Variants in DIAPH2 observed in about 807,000 individuals in gnomAD.
The protein encoded by DIAPH2 is protein diaphanous homolog 2.
Under a neutral mutation model 92.7 loss-of-function variants are expected in DIAPH2, and 35 were observed. The ratio of observed to expected loss-of-function variants is 0.38; its 90% CI spans 0.29 to 0.50. The LOEUF is 0.50. DIAPH2 is among the 20% of genes least tolerant of loss of function. The probability of loss-of-function intolerance (pLI) is 0.94; values close to 1 mark genes in which losing one functional copy is unlikely to be tolerated. For missense variants in DIAPH2, 701 were observed against 819.5 expected (o/e 0.86, Z 1.77); for synonymous variants, 301 against 280.4 (o/e 1.07, Z -0.73).
At chrX:96,803,909 C>T (rs960137289) in intron 4 of DIAPH2, among the ~76,000 whole-genome samples, 25 of 111,054 alleles carry the variant, frequency 2.3e-4, no homozygotes, top group African/African-American at 7.5e-4. Context: ...CACGGTGGCA[C>T]GCGCCTGTAA....
intron 17 of DIAPH2, among the ~76,000 whole-genome samples, chrX:96,999,044 T>C (rs777382525): frequency 4.5e-5 from 5 of 111,772 alleles, no homozygotes; most frequent in African/African-American, 1.3e-4. Context: ...TTGTCATCTG[T>C]CTTCAGGGAC....
At chrX:96,960,678 A>G (rs1302526996) in intron 16 of DIAPH2, among the ~76,000 whole-genome samples, 1 of 111,391 alleles carries the variant, frequency 9.0e-6, no homozygotes. Context: ...TCTTGTTCCA[A>G]TTCTTAGAGG....
At chrX:96,692,204 A>G (rs1472102734) in intron 1 of DIAPH2, among the ~76,000 whole-genome samples, 2 of 112,016 alleles carry the variant, frequency 1.8e-5, no homozygotes, top group Non-Finnish European at 3.8e-5. Flanking sequence ...CCCAGATATA[A>G]GTTATCTACA....
At chrX:96,897,831 C>T (rs1219325443) in intron 5 of DIAPH2, among the ~76,000 whole-genome samples, 1 of 87,687 alleles carries the variant, frequency 1.1e-5, no homozygotes, top group Non-Finnish European at 2.2e-5. Context: ...CCCATTAACT[C>T]GTCATTTAGC....
chrX:97,529,160 T>C (rs768791381), intron 26 of DIAPH2: 1 of 112,102 alleles, frequency 8.9e-6, no homozygotes, highest in South Asian at 3.7e-4. Flanking sequence ...TAACTACTTA[T>C]ATTGTTTTTC....
intron 17 of DIAPH2, among the ~76,000 whole-genome samples, chrX:97,018,413 A>T (rs1464540420): frequency 1.8e-5 from 2 of 112,429 alleles, no homozygotes; most frequent in Admixed American, 1.9e-4. Flanking sequence ...TTTTATTTTT[A>T]TGAGAAGTAC....
intron 4 of DIAPH2, among the ~76,000 whole-genome samples, chrX:96,769,888 A>G (rs1416862178): frequency 1.8e-5 from 2 of 112,248 alleles, no homozygotes; most frequent in Admixed American, 9.5e-5. Context: ...TAATACTGAG[A>G]GTAAGTTTCT....
chrX:96,968,962 C>A (rs1010024648), intron 17 of DIAPH2, among the ~76,000 whole-genome samples: 11 of 112,415 alleles, frequency 9.8e-5, no homozygotes, highest in African/African-American at 3.6e-4. Flanking sequence ...TATCACAGTG[C>A]CATTTATTGA....
intron 22 of DIAPH2, among the ~76,000 whole-genome samples, chrX:97,223,022 TCTC>T (rs2067938124): frequency 9.1e-6 from 1 of 109,899 alleles, no homozygotes; most frequent in Non-Finnish European, 1.9e-5. Flanking sequence ...AGAGATGGAG[TCTC>T]CCTATCTTGT....
At chrX:96,745,331 A>T (rs140719723) in intron 3 of DIAPH2, among the ~76,000 whole-genome samples, 1,213 of 112,161 alleles carry the variant, frequency 0.011, 8 homozygotes, top group Non-Finnish European at 0.017. Flanking sequence ...ATTGCAGCAC[A>T]TAGCATGAGA....
rs2071592684 is a variant in DIAPH2, at chrX:97,601,128, A to C, written c.*1811A>C. On this transcript the variant is annotated 3_prime_UTR_variant, in exon 27 of 27. Transcript: ENST00000324765. Reference sequence around the variant, plus strand: ...AAAGTTTAGGTTCTAATTTATGTAAATACCTAGTATGTGTATTTTTGACTT... The same window carrying C: ...AAAGTTTAGGTTCTAATTTATGTAACTACCTAGTATGTGTATTTTTGACTT... The C allele has an allele frequency of 8.9e-6, 1 of 112,211 alleles. No homozygotes were observed. The highest frequency in any genetic ancestry group is 3.7e-4 in the South Asian group (1 of 2,715). 9.2% of individuals were successfully genotyped at this position (112,211 alleles called of 1,213,427 possible). A position where few individuals can be genotyped will look rare whatever the true frequency, so the allele number is the denominator to read the frequency against.
Position 97,384,034 on chromosome X carries a change from T to C in DIAPH2, c.3135T>C (p.Asp1045=), listed in dbSNP as rs1172006835. The change falls in exon 25 of 27, where the codon GAT becomes GAC. Residue 1045 remains aspartate, a synonymous_variant. Transcript: ENST00000324765. ...ERQKKKKQLI[D]INKEGDETGV... ...AGAAGAAAAAGAAACAACTCATTGA[T>C]ATAAACAAAGGTATGAAAATATTTC... 8.4e-7 allele frequency: 1 copy of C among 1,188,183 alleles called. No individual in the cohort carries two copies. The highest frequency in any genetic ancestry group is 1.1e-6 in the Non-Finnish European group (1 of 883,013).
intron 21 of DIAPH2, among the ~76,000 whole-genome samples, chrX:97,136,509 T>C (rs1487108978): frequency 9.0e-6 from 1 of 111,731 alleles, no homozygotes; most frequent in African/African-American, 3.3e-5. Flanking sequence ...TAAAGAACCA[T>C]TTACTTTTTT....
At chrX:97,414,960 G>A (rs999529254) in intron 25 of DIAPH2, among the ~76,000 whole-genome samples, 17 of 111,697 alleles carry the variant, frequency 1.5e-4, no homozygotes, top group African/African-American at 4.2e-4. Flanking sequence ...CTACCCATCT[G>A]ACAAAGGGCT....
chrX:96,916,392 T>C, intron 7 of DIAPH2, 46 bp from the exon 8 acceptor site: 1 of 1,075,462 alleles, frequency 9.3e-7, no homozygotes, highest in Non-Finnish European at 1.2e-6. Context: ...ATTAAAGATA[T>C]ATTCCATAGA....
chrX:97,102,665 C>T (rs749413620), intron 20 of DIAPH2, among the ~76,000 whole-genome samples: 2 of 112,066 alleles, frequency 1.8e-5, no homozygotes, highest in Admixed American at 9.5e-5. Flanking sequence ...GGATGCCGGG[C>T]GCGTTGGCTC....
intron 23 of DIAPH2, among the ~76,000 whole-genome samples, chrX:97,271,329 CAT>C (rs1460668067): frequency 8.9e-6 from 1 of 112,119 alleles, no homozygotes; most frequent in Non-Finnish European, 1.9e-5. Flanking sequence ...ATGATGTTCA[CAT>C]GTGATCATAA....
At chrX:96,972,531 A>T (rs973814356) in intron 17 of DIAPH2, among the ~76,000 whole-genome samples, 14 of 111,351 alleles carry the variant, frequency 1.3e-4, no homozygotes, top group African/African-American at 4.6e-4. Context: ...TCTATACTAA[A>T]TGGGAGGGAA....
chrX:97,361,067 T>C (rs1396632819), intron 24 of DIAPH2, among the ~76,000 whole-genome samples: 1 of 105,180 alleles, frequency 9.5e-6, no homozygotes, highest in African/African-American at 3.4e-5. Context: ...TTTTTTTTTT[T>C]CTTTTTTAGA....
Sources: gnomAD v4.1 joint callset for allele counts (sites outside exome capture counted in the v4.1 genomes callset) on GRCh38, gnomAD v4.1.1 for gene constraint, MANE v1.5 for transcripts, NCBI Gene and HGNC (gene_info 2026-07-23, HGNC 2026-07-21) for gene names.